Variants in MAP4 observed in about 807,000 individuals in gnomAD.
MAP4 encodes microtubule associated protein 4, also known as microtubule-associated protein 4.
MAP4 carries 76 observed loss-of-function variants against 170.2 expected under a neutral mutation model. That is an observed-to-expected ratio of 0.45 (90% CI 0.37 to 0.54). MAP4 has a LOEUF of 0.54. MAP4 is among the 20% of genes least tolerant of loss of function. The pLI is 0.00. For missense variants in MAP4, 2,506 were observed against 2,748.0 expected, an observed-to-expected ratio of 0.91 and a Z score of 1.97; for synonymous variants, 909 against 994.5, an observed-to-expected ratio of 0.91 and a Z score of 1.62.
At chr3:47,870,749 G>T in intron 15 of MAP4, 64 bp downstream of exon 15, 1 of 1,460,434 alleles carries the variant, frequency 6.8e-7, no homozygotes, top group Non-Finnish European at 9.2e-7. Flanking sequence ...TGGGAACAGT[G>T]GGTGGAAATG....
intron 3 of MAP4, among the ~76,000 whole-genome samples, chr3:47,969,918 C>T (rs1332426646): frequency 6.6e-6 from 1 of 151,986 alleles, no homozygotes; most frequent in Non-Finnish European, 1.5e-5. Context: ...TAAATGTTAT[C>T]CACTTCTATA....
chr3:48,010,096 A>G (rs938842300), intron 1 of MAP4, among the ~76,000 whole-genome samples: 12 of 152,214 alleles, frequency 7.9e-5, no homozygotes, highest in Non-Finnish European at 1.5e-4. Context: ...ATGCCCTGTG[A>G]TTACTGTCAA....
intron 17 of MAP4, among the ~76,000 whole-genome samples, chr3:47,858,194 G>A (rs1430372461): frequency 6.6e-6 from 1 of 151,598 alleles, no homozygotes; most frequent in Non-Finnish European, 1.5e-5. Context: ...TGTATTTTTA[G>A]TAGAGACAGG....
At chr3:47,973,882 T>C in intron 3 of MAP4, 1 of 985,232 alleles carries the variant, frequency 1.0e-6, no homozygotes, top group Non-Finnish European at 1.2e-6. Context: ...GCAAGAGAGT[T>C]TTAATATTTT....
intron 9 of MAP4, among the ~76,000 whole-genome samples, chr3:47,904,656 G>C (rs1338391258): frequency 6.8e-6 from 1 of 147,776 alleles, no homozygotes; most frequent in Non-Finnish European, 1.5e-5. Flanking sequence ...TTTTGGGCGG[G>C]GGGGCTAGAG....
At chr3:47,920,338 C>T (rs1479649165) in intron 5 of MAP4, among the ~76,000 whole-genome samples, 2 of 152,104 alleles carry the variant, frequency 1.3e-5, no homozygotes, top group African/African-American at 2.4e-5. Flanking sequence ...AACTCCTGAC[C>T]TCAGGTGATC....
chr3:47,875,630 C>T, intron 12 of MAP4, 55 bp downstream of exon 12: 1 of 1,446,020 alleles, frequency 6.9e-7, no homozygotes, highest in Non-Finnish European at 9.6e-7. Flanking sequence ...ATCTGTCTAT[C>T]TGACACTCAG....
At position 47,967,284 on chromosome 3, in the gene MAP4, A is replaced by C. The variant is rs2100075675; in HGVS notation, c.292+10581T>G. Among the ~76,000 whole-genome samples the C allele has an allele frequency of 2.0e-5, 3 of 152,168 alleles. No individual in the cohort carries two copies. In the South Asian group the frequency reaches 6.2e-4, roughly 31 times the overall value. On this transcript the variant is annotated intron_variant, in intron 3 of 20. Transcript: ENST00000683076. ...CCGGAGGCGGAGGTTGCAGTGAGCC[A>C]TGAACGGGTCACTGCACTCCAGCCT...
chr3:48,085,923 G>A (rs749686139), intron 1 of MAP4, among the ~76,000 whole-genome samples: 3 of 152,136 alleles, frequency 2.0e-5, no homozygotes, highest in Non-Finnish European at 4.4e-5. Flanking sequence ...GTGGTGGCAC[G>A]TGCCTGTAGT....
chr3:48,045,628 G>A (rs1320542707), intron 1 of MAP4, among the ~76,000 whole-genome samples: 1 of 152,204 alleles, frequency 6.6e-6, no homozygotes, highest in African/African-American at 2.4e-5. Flanking sequence ...CACTGCACTA[G>A]AGAACATAGA....
rs397989482 is a variant in MAP4, at chr3:48,038,459, C to CTT, written c.-19-39582_-19-39581dup. On this transcript the variant is annotated intron_variant, in intron 1 of 18. Coordinates refer to the MAP4 transcript ENST00000360240. ...CCATACTATGTACAATGCACTGAAA[C>CTT]TTTTTTTTTTTTTTTTTTTGAGATG... Among the ~76,000 whole-genome samples, 983 of 121,900 alleles carry CTT rather than the reference C, an allele frequency of 8.1e-3. 29 individuals are homozygous for CTT. The highest frequency in any genetic ancestry group is 0.024 in the South Asian group (95 of 3,902). The allele number at this position is 121,900 out of a possible 152,430, so 80.0% of individuals were successfully genotyped here.
chr3:48,036,839 C>A (rs2154526831), intron 1 of MAP4, among the ~76,000 whole-genome samples: 1 of 152,276 alleles, frequency 6.6e-6, no homozygotes, highest in South Asian at 2.1e-4. Flanking sequence ...GGTGTGTAGA[C>A]CAGCTGTCTG....
intron 17 of MAP4, among the ~76,000 whole-genome samples, chr3:47,858,586 GGTGTGTGTGT>G (rs59208724): frequency 7.6e-5 from 11 of 145,180 alleles, no homozygotes; most frequent in South Asian, 2.2e-4. Flanking sequence ...GTGAGGGGGT[GGTGTGTGTGT>G]GTGTGTGTGT....
chr3:48,084,017 G>A (rs984132525), intron 1 of MAP4, among the ~76,000 whole-genome samples: 1 of 151,988 alleles, frequency 6.6e-6, no homozygotes, highest in African/African-American at 2.4e-5. Flanking sequence ...GAGCCATCAT[G>A]CCCAAGCCAA....
intron 2 of MAP4, among the ~76,000 whole-genome samples, chr3:47,996,291 T>TCCTAC: frequency 6.6e-6 from 1 of 152,092 alleles, no homozygotes; most frequent in South Asian, 2.1e-4. Flanking sequence ...CCTACACCAA[T>TCCTAC]ACCATGAGAA....
rs758256589 is a variant in MAP4, at chr3:47,875,891, T to C, written c.5551A>G (p.Thr1851Ala). The change falls in exon 12 of 21, where the codon ACC becomes GCC. Residue 1851 changes from threonine (T) to alanine (A), a missense_variant. Physicochemically the swap from Thr to Ala is moderately conservative, Grantham distance 58 (BLOSUM62 0). This residue lies in a region of MAP4 where 2,008 missense variants were observed against 2,206.0 expected (regional missense o/e 0.91). Coordinates refer to ENST00000683076, the MANE Select transcript of MAP4 (RefSeq NM_001385682.1). ...SPEKKTKPLA[T>A]TQPAKTSTSK... ...GTTGAAGTCTTTGCAGGTTGAGTGG[T>C]GGCCAAAGGCTTTAGGTTGATTGTT... 8 of 1,609,096 alleles carry C rather than the reference T, an allele frequency of 5.0e-6. No homozygotes were observed. The highest frequency in any genetic ancestry group is 6.8e-6 in the Non-Finnish European group (8 of 1,178,744).
chr3:48,053,355 A>T (rs77331893), intron 1 of MAP4, among the ~76,000 whole-genome samples: 1,882 of 81,478 alleles, frequency 0.023, 43 homozygotes, highest in African/African-American at 0.096. Context: ...AACTAATGCT[A>T]GGGTTCATTG....
chr3:47,897,006 A>G (rs1277846390), intron 10 of MAP4, among the ~76,000 whole-genome samples: 3 of 152,210 alleles, frequency 2.0e-5, no homozygotes, highest in Admixed American at 6.5e-5. Context: ...TGGTTTGCCC[A>G]TGATCACATG....
chr3:48,073,378 A>G (rs2100142017), intron 1 of MAP4, among the ~76,000 whole-genome samples: 1 of 150,714 alleles, frequency 6.6e-6, no homozygotes, highest in South Asian at 2.1e-4. Flanking sequence ...AGGGAAGCTG[A>G]GGCGGGTGGG....
Sources: gnomAD v4.1 joint callset for allele counts (sites outside exome capture counted in the v4.1 genomes callset) on GRCh38, gnomAD v4.1.1 for gene constraint, gnomAD v4.1.1 regional missense constraint, MANE v1.5 for transcripts, NCBI Gene and HGNC (gene_info 2026-07-23, HGNC 2026-07-21) for gene names.